CATSPERT: variants seen among roughly 807,000 people sequenced by gnomAD.
CATSPERT encodes catsper channel auxiliary subunit tau.
At chr2:201,587,924 T>C in the CATSPERT span, among the ~76,000 whole-genome samples, 4 of 151,946 alleles carry the variant, frequency 2.6e-5, no homozygotes, top group African/African-American at 4.8e-5. Context: ...TGGTCACATA[T>C]ACCCTCCCAA....
the CATSPERT span, among the ~76,000 whole-genome samples, chr2:201,545,007 A>AATAATAATG: frequency 6.6e-6 from 1 of 151,286 alleles, no homozygotes; most frequent in Non-Finnish European, 1.5e-5. Context: ...AGATAATAAT[A>AATAATAATG]ATAATAAAAT....
chr2:201,498,421 C>A, the CATSPERT span, among the ~76,000 whole-genome samples: 2 of 152,180 alleles, frequency 1.3e-5, no homozygotes, highest in South Asian at 4.2e-4. Flanking sequence ...AGGGAGTGAG[C>A]CAGAAGACTC....
chr2:201,491,922 T>C, the CATSPERT span: 2 of 1,536,976 alleles, frequency 1.3e-6, no homozygotes, highest in Non-Finnish European at 1.7e-6. Context: ...TCTTAAGCAG[T>C]ATATCTGTAA....
At chr2:201,581,546 GTGTATATA>G in the CATSPERT span, among the ~76,000 whole-genome samples, 26 of 14,716 alleles carry the variant, frequency 1.8e-3, 2 homozygotes, top group East Asian at 0.017. Flanking sequence ...AAAAAAATGT[GTGTATATA>G]TATATATATA....
the CATSPERT span, among the ~76,000 whole-genome samples, chr2:201,513,928 A>G: frequency 3.7e-3 from 570 of 152,330 alleles, 2 homozygotes; most frequent in East Asian, 0.04. Flanking sequence ...TTAGGAAACT[A>G]AAGACATTTC....
At chr2:201,583,760 T>G in the CATSPERT span, among the ~76,000 whole-genome samples, 1 of 152,066 alleles carries the variant, frequency 6.6e-6, no homozygotes, top group African/African-American at 2.4e-5. Context: ...TCAGTCAGCA[T>G]GGAAACAAAG....
At chr2:201,492,429 G>T in the CATSPERT span, 1 of 1,532,640 alleles carries the variant, frequency 6.5e-7, no homozygotes, top group Non-Finnish European at 8.7e-7. Context: ...CTATCAGATA[G>T]TTTTGTAGAG....
the CATSPERT span, among the ~76,000 whole-genome samples, chr2:201,609,536 G>A: frequency 6.6e-6 from 1 of 152,120 alleles, no homozygotes; most frequent in Non-Finnish European, 1.5e-5. Context: ...GTAACAAGGG[G>A]AACTTTGGAA....
the CATSPERT span, among the ~76,000 whole-genome samples, chr2:201,531,680 C>G: frequency 6.6e-6 from 1 of 152,090 alleles, no homozygotes; most frequent in Non-Finnish European, 1.5e-5. Context: ...AGAAGATCCG[C>G]AGGGGAGAGC....
At chr2:201,570,422 T>C in the CATSPERT span, among the ~76,000 whole-genome samples, 72,990 of 152,018 alleles carry the variant, frequency 0.48, 17,955 homozygotes, top group East Asian at 0.75. Context: ...CCTACAATGA[T>C]GATGATGGTA....
the CATSPERT span, among the ~76,000 whole-genome samples, chr2:201,556,523 A>G: frequency 6.6e-6 from 1 of 151,402 alleles, no homozygotes; most frequent in Non-Finnish European, 1.5e-5. Flanking sequence ...GAAAAAAAAA[A>G]AAAAGATGCA....
At chr2:201,519,086 T>C in the CATSPERT span, among the ~76,000 whole-genome samples, 1 of 152,194 alleles carries the variant, frequency 6.6e-6, no homozygotes, top group Non-Finnish European at 1.5e-5. Context: ...GAGCCTCACC[T>C]GGAAGGTTTA....
At chr2:201,496,038 G>T in the CATSPERT span, 1 of 1,046,994 alleles carries the variant, frequency 9.6e-7, no homozygotes, top group Non-Finnish European at 1.4e-6. Flanking sequence ...TTTTATTCTT[G>T]CAATAGTTAT....
the CATSPERT span, among the ~76,000 whole-genome samples, chr2:201,514,309 C>G: frequency 6.6e-6 from 1 of 151,984 alleles, no homozygotes; most frequent in East Asian, 1.9e-4. Context: ...CAAATGAACC[C>G]AACAATATAT....
the CATSPERT span, chr2:201,537,579 A>G: frequency 1.1e-6 from 1 of 902,408 alleles, no homozygotes; most frequent in East Asian, 2.7e-5. Flanking sequence ...TCTCACTAAA[A>G]ACAAAGAGCA....
chr2:201,575,646 A>C, the CATSPERT span, among the ~76,000 whole-genome samples: 3 of 152,176 alleles, frequency 2.0e-5, no homozygotes, highest in Non-Finnish European at 4.4e-5. Context: ...TCCTTATGAG[A>C]ATCTAATGCC....
the CATSPERT span, among the ~76,000 whole-genome samples, chr2:201,542,231 T>C: frequency 1.3e-5 from 2 of 152,214 alleles, no homozygotes; most frequent in African/African-American, 4.8e-5. Flanking sequence ...CTGCAATGTC[T>C]CTGAATTATG....
the CATSPERT span, among the ~76,000 whole-genome samples, chr2:201,592,239 C>T: frequency 1.3e-5 from 2 of 151,252 alleles, no homozygotes; most frequent in African/African-American, 4.9e-5. Context: ...TTGAGATAAT[C>T]ATGTGGTTTT....
the CATSPERT span, chr2:201,582,142 C>T: frequency 6.2e-7 from 1 of 1,609,708 alleles, no homozygotes; most frequent in South Asian, 1.1e-5. Context: ...AACAAGAAAG[C>T]ACGTTTTTCT....
Sources: gnomAD v4.1 joint callset for allele counts (sites outside exome capture counted in the v4.1 genomes callset) on GRCh38, gnomAD v4.1.1 for gene constraint, MANE v1.5 for transcripts, NCBI Gene and HGNC (gene_info 2026-07-23, HGNC 2026-07-21) for gene names.